Variants in PRUNE2 observed in about 807,000 individuals in gnomAD.
PRUNE2 encodes the protein protein prune homolog 2.
PRUNE2 carries 164 observed loss-of-function variants against 252.0 expected under a neutral mutation model. The ratio of observed to expected loss-of-function variants is 0.65; its 90% CI spans 0.57 to 0.74. The LOEUF (loss-of-function observed/expected upper bound fraction) is 0.74, where lower values mean the gene tolerates loss of function less well. PRUNE2 is among the 30% of genes least tolerant of loss of function. PRUNE2 has a pLI of 0.00. For missense variants in PRUNE2, 3,495 were observed against 3,711.0 expected (o/e 0.94, Z 1.51); for synonymous variants, 1,292 against 1,350.2 (o/e 0.96, Z 0.94).
At chr9:76,889,583 G>A (rs559599272) in intron 1 of PRUNE2, among the ~76,000 whole-genome samples, 24 of 152,162 alleles carry the variant, frequency 1.6e-4, no homozygotes, top group Non-Finnish European at 3.2e-4. Flanking sequence ...GCCTCCCGAA[G>A]TGTTGGGATT....
chr9:76,703,440 T>C lies in PRUNE2; in HGVS notation c.8173A>G (p.Met2725Val). ...TTCTGAACAGGCTGTGGTGAAAGCA[T>C]TTCCCATTCATTGTCATGGGTGACA... ...QAVTHDNEWE[M>V]LSPQPVQKNM... The change falls in exon 9 of 19, where the codon ATG becomes GTG. Residue 2725 changes from methionine to valine, a missense_variant. Met to Val is a conservative substitution (Grantham distance 21). Coordinates refer to ENST00000376718, the MANE Select transcript of PRUNE2 (RefSeq NM_015225.3). 4 of 1,613,794 alleles carry C rather than the reference T, an allele frequency of 2.5e-6. No homozygotes were observed. Among genetic ancestry groups the C allele is most frequent in the Non-Finnish European group, 3.4e-6 (4 of 1,179,816 alleles).
At chr9:76,756,067 C>T (rs2051121538) in intron 6 of PRUNE2, among the ~76,000 whole-genome samples, 1 of 152,118 alleles carries the variant, frequency 6.6e-6, no homozygotes, top group Non-Finnish European at 1.5e-5. Context: ...CCTTTCACCT[C>T]CTACCAACCA....
At chr9:76,860,085 G>T (rs1184987926) in intron 1 of PRUNE2, among the ~76,000 whole-genome samples, 9 of 152,184 alleles carry the variant, frequency 5.9e-5, no homozygotes, top group East Asian at 5.8e-4. Context: ...ACTCACAGGG[G>T]TGTCTAAACT....
intron 1 of PRUNE2, chr9:76,869,255 C>T (rs1589682442): frequency 6.6e-6 from 1 of 152,280 alleles, no homozygotes; most frequent in Non-Finnish European, 1.5e-5. Context: ...AATAGATAAG[C>T]GACTGGAAGT....
chr9:76,721,793 T>A (rs2047665487), intron 6 of PRUNE2, among the ~76,000 whole-genome samples: 2 of 152,314 alleles, frequency 1.3e-5, no homozygotes, highest in South Asian at 2.1e-4. Flanking sequence ...GGCTATTTTT[T>A]AAAATCGAGA....
intron 6 of PRUNE2, among the ~76,000 whole-genome samples, chr9:76,765,522 C>A (rs1426048576): frequency 6.6e-6 from 1 of 152,124 alleles, no homozygotes; most frequent in Non-Finnish European, 1.5e-5. Flanking sequence ...CTCATAATTG[C>A]ATTCTAGCAA....
At chr9:76,855,082 A>AAAAAAAAAAAAATATAT (rs1490285240) in intron 1 of PRUNE2, among the ~76,000 whole-genome samples, 15 of 109,416 alleles carry the variant, frequency 1.4e-4, no homozygotes, top group African/African-American at 5.8e-4. Context: ...AAAAAAAAAA[A>AAAAAAAAAAAAATATAT]ATATATATAT....
rs1234017886 is a variant in PRUNE2 at position 76,703,792 on chromosome 9, T to C, written c.7821A>G (p.Lys2607=). 1.2e-6 allele frequency: 2 copies of C among 1,613,784 alleles called. No individual in the cohort carries two copies. The highest frequency in any genetic ancestry group is 4.5e-5 in the East Asian group (2 of 44,878). Residue 2607 remains lysine, a synonymous_variant, in exon 9 of 19, where the codon AAA becomes AAG. Coordinates refer to ENST00000376718, the MANE Select transcript of PRUNE2 (RefSeq NM_015225.3). The part of the protein sequence containing the change: ...TCQPASLNER[K]GLSAEKMSSK... ...AAGACATTTTCTCTGCAGAGAGACC[T>C]TTTCTTTCATTTAAGGAGGCTGGCT...
chr9:76,637,741 A>G (rs977034034), intron 13 of PRUNE2, among the ~76,000 whole-genome samples, 192 bp from the exon 14 acceptor site: 1 of 152,312 alleles, frequency 6.6e-6, no homozygotes, highest in South Asian at 2.1e-4. Flanking sequence ...ATGGCTATCT[A>G]TCTTTTAAAT....
rs1376039476 is a variant in PRUNE2 at position 76,826,662 on chromosome 9, A to G, written c.579T>C (p.Ser193=). ...AGTTAGGAAATTTTTCTTCCAGGATAGAAAGAATTTCCTCCTGCTTCTCTG... is the reference window on the plus strand; with the variant it reads ...AGTTAGGAAATTTTTCTTCCAGGATGGAAAGAATTTCCTCCTGCTTCTCTG... The part of the protein sequence containing the change: ...KISEKQEEIL[S]ILEEKFPNLP... Residue 193 remains serine (S), a synonymous_variant, in exon 5 of 19, where the codon TCT becomes TCC. Coordinates refer to ENST00000376718, the MANE Select transcript of PRUNE2 (RefSeq NM_015225.3). 6.2e-7 allele frequency: 1 copy of G among 1,612,490 alleles called. No homozygotes were observed. Among genetic ancestry groups the G allele is most frequent in the Non-Finnish European group, 8.5e-7 (1 of 1,179,102 alleles).
intron 15 of PRUNE2, among the ~76,000 whole-genome samples, chr9:76,630,268 T>G (rs1449575637): frequency 6.6e-6 from 1 of 151,954 alleles, no homozygotes; most frequent in Non-Finnish European, 1.5e-5. Context: ...TTTTGTTTTT[T>G]TTTTTTTAAA....
intron 1 of PRUNE2, among the ~76,000 whole-genome samples, chr9:76,889,179 G>C (rs1286739245): frequency 1.2e-4 from 19 of 152,032 alleles, no homozygotes; most frequent in Admixed American, 1.2e-3. Context: ...GTCCTTCCTT[G>C]CTGCCAGGCA....
chr9:76,780,216 T>C (rs1338936951), intron 6 of PRUNE2, among the ~76,000 whole-genome samples: 1 of 152,228 alleles, frequency 6.6e-6, no homozygotes, highest in Non-Finnish European at 1.5e-5. Flanking sequence ...TTATATTTTC[T>C]ATATTTATTT....
rs534646810 is a variant in PRUNE2 at position 76,837,929 on chromosome 9, G to A, written c.508+8586C>T. Reference sequence around the variant, plus strand: ...TGGGACTACAGGCGCCTGCCACCACGCCCAGCTAATTTTTTGTATTTTTAG... The same window carrying A: ...TGGGACTACAGGCGCCTGCCACCACACCCAGCTAATTTTTTGTATTTTTAG... On this transcript the variant is annotated intron_variant, in intron 4 of 18. Coordinates refer to ENST00000376718, the MANE Select transcript of PRUNE2 (RefSeq NM_015225.3). Among the ~76,000 whole-genome samples the A allele has an allele frequency of 3.4e-3, 512 of 151,680 alleles. 2 individuals carry two copies. The highest frequency in any genetic ancestry group is 0.011 in the African/African-American group (448 of 41,326).
chr9:76,627,152 G>A (rs1835186259), intron 16 of PRUNE2, among the ~76,000 whole-genome samples: 1 of 151,812 alleles, frequency 6.6e-6, no homozygotes, highest in South Asian at 2.1e-4. Context: ...CCAGGCTTGA[G>A]TGCAGTGGTG....
chr9:76,710,778 G>T lies in PRUNE2; in HGVS notation c.1496C>A (p.Ala499Glu), dbSNP rs776977198. 1 of 1,598,304 alleles carries T rather than the reference G, an allele frequency of 6.3e-7. No individual in the cohort carries two copies. Among genetic ancestry groups the T allele is most frequent in the East Asian group, 2.2e-5 (1 of 44,806 alleles). ...CTGGGACTGCCCAGAAGCCATGGGTGCTGGGTCAAAATTGAAGAGGTCGAA... is the reference window on the plus strand; with the variant it reads ...CTGGGACTGCCCAGAAGCCATGGGTTCTGGGTCAAAATTGAAGAGGTCGAA... ...EHFDLFNFDPAPMASGQSQQS... is the reference protein window; with the variant it reads ...EHFDLFNFDPEPMASGQSQQS... The change falls in exon 8 of 19, where the codon GCA becomes GAA. Residue 499 changes from alanine (A) to glutamate (E), a missense_variant. Physicochemically the swap from Ala to Glu is moderately radical, Grantham distance 107 (BLOSUM62 -1). Coordinates refer to ENST00000376718, the MANE Select transcript of PRUNE2 (RefSeq NM_015225.3).
chr9:76,873,750 C>G (rs2061344370), intron 1 of PRUNE2, among the ~76,000 whole-genome samples: 1 of 152,234 alleles, frequency 6.6e-6, no homozygotes, highest in South Asian at 2.1e-4. Flanking sequence ...ACGGGCTACC[C>G]GATACACAAT....
chr9:76,695,273 C>T (rs988983097), intron 9 of PRUNE2, among the ~76,000 whole-genome samples: 2 of 110,864 alleles, frequency 1.8e-5, no homozygotes, highest in Admixed American at 1.1e-4. Context: ...CCTCACCTCA[C>T]GTGATCTGCC....
chr9:76,845,504 C>T (rs980959129), intron 4 of PRUNE2, among the ~76,000 whole-genome samples: 3 of 152,050 alleles, frequency 2.0e-5, no homozygotes, highest in South Asian at 2.1e-4. Flanking sequence ...GCGTTTTTAC[C>T]GACATTCATT....
Sources: gnomAD v4.1 joint callset for allele counts (sites outside exome capture counted in the v4.1 genomes callset) on GRCh38, gnomAD v4.1.1 for gene constraint, MANE v1.5 for transcripts, NCBI Gene and HGNC (gene_info 2026-07-23, HGNC 2026-07-21) for gene names.